EFEMP1: variants seen among roughly 807,000 people sequenced by gnomAD.
EFEMP1 encodes the protein EGF-like fibulin extracellular matrix protein 1, also known as EGF-containing fibulin-like extracellular matrix protein 1.
In EFEMP1, 18 loss-of-function variants were observed where a neutral mutation model predicts 65.7. The ratio of observed to expected loss-of-function variants is 0.27; its 90% CI spans 0.19 to 0.41. The LOEUF is 0.41. Ranked by LOEUF, EFEMP1 falls within the 10% of genes least tolerant of loss-of-function variation. The pLI is 1.00. For synonymous variants in EFEMP1, 237 were observed against 219.7 expected (o/e 1.08, Z -0.70); for missense variants, 469 against 624.8 (o/e 0.75, Z 2.66).
At chr2:55,878,262 C>T (rs1290422291) in intron 6 of EFEMP1, among the ~76,000 whole-genome samples, 1 of 152,186 alleles carries the variant, frequency 6.6e-6, no homozygotes, top group Non-Finnish European at 1.5e-5. Context: ...CTGTGCTCAA[C>T]TGGTGACCTT....
Position 55,867,233 on chromosome 2 carries a change from T to C in EFEMP1, c.1322A>G (p.Gln441Arg), listed in dbSNP as rs1316941214. 5.6e-6 allele frequency: 9 copies of C among 1,613,724 alleles called. No homozygotes were observed. The highest frequency in any genetic ancestry group is 7.6e-6 in the Non-Finnish European group (9 of 1,179,798). ...AAGCATTGCACTTACAGGACTTGTT[T>C]GCTAAAATAAAAGAAAATAGAGAAA... ...GNENGEFYLRQTSPVSAMLVL... is the reference protein window; with the variant it reads ...GNENGEFYLRRTSPVSAMLVL... The change falls in exon 12 of 12, where the codon CAA (glutamine) becomes CGA (arginine). Residue 441 changes from glutamine (Q) to arginine (R), a missense_variant and splice_region_variant. By Grantham distance (43) the Gln-to-Arg change is conservative. Coordinates refer to ENST00000355426, the MANE Select transcript of EFEMP1 (RefSeq NM_001039348.3). This position sits in a 1 kb window ranked among gnomAD's most constrained non-coding sequence, Gnocchi z 4.3.
chr2:55,905,638 A>G (rs565398689), intron 5 of EFEMP1, among the ~76,000 whole-genome samples: 1 of 152,164 alleles, frequency 6.6e-6, no homozygotes, highest in African/African-American at 2.4e-5. Context: ...TAGTAGAGAC[A>G]GGGTTTCATC....
intron 5 of EFEMP1, among the ~76,000 whole-genome samples, chr2:55,905,900 G>C (rs1670247275): frequency 6.6e-6 from 1 of 152,100 alleles, no homozygotes; most frequent in Non-Finnish European, 1.5e-5. Flanking sequence ...TGATAGGTTG[G>C]TTTACTGGAA....
In EFEMP1 at chr2:55,870,592, C is replaced by G; in HGVS notation, c.1320+128G>C. The G allele has an allele frequency of 8.8e-7, 1 of 1,140,204 alleles. No homozygotes were observed. The highest frequency in any genetic ancestry group is 1.3e-6 in the Non-Finnish European group (1 of 773,228). 70.6% of individuals were successfully genotyped at this position (1,140,204 alleles called of 1,614,324 possible). ...GTAGCTGGAAGGCCTTACACAATGCCTACACATAAGACACTTTAAATGTTT... is the reference window on the plus strand; with the variant it reads ...GTAGCTGGAAGGCCTTACACAATGCGTACACATAAGACACTTTAAATGTTT... On this transcript the variant is annotated intron_variant, in intron 11 of 11. Coordinates refer to ENST00000355426, the MANE Select transcript of EFEMP1 (RefSeq NM_001039348.3). The surrounding 1 kb of genome is among the most constrained non-coding windows in gnomAD (Gnocchi z 5.8).
At chr2:55,892,793 T>A (rs188976750) in intron 5 of EFEMP1, among the ~76,000 whole-genome samples, 4 of 152,220 alleles carry the variant, frequency 2.6e-5, no homozygotes, top group Admixed American at 6.5e-5. Flanking sequence ...GATGCCAAAC[T>A]AAGTCAATCT....
At chr2:55,889,156 C>A (rs1669541875) in intron 5 of EFEMP1, among the ~76,000 whole-genome samples, 1 of 152,226 alleles carries the variant, frequency 6.6e-6, no homozygotes, top group Non-Finnish European at 1.5e-5. Context: ...TCAGGCAAAT[C>A]ATCACTTGAG....
intron 3 of EFEMP1, among the ~76,000 whole-genome samples, chr2:55,918,861 AC>A (rs1401236884): frequency 1.3e-5 from 2 of 152,262 alleles, no homozygotes; most frequent in East Asian, 3.9e-4. Flanking sequence ...ACCTTCTGAA[AC>A]CAGGCAGTTT....
At chr2:55,881,514 C>T (rs1466257753) in intron 6 of EFEMP1, 98 bp downstream of exon 6, 5 of 1,516,146 alleles carry the variant, frequency 3.3e-6, no homozygotes, top group Admixed American at 1.7e-5. Flanking sequence ...TTGGCTACCA[C>T]TCTCCAAAGA....
At chr2:55,905,529 C>T (rs1670225709) in intron 5 of EFEMP1, among the ~76,000 whole-genome samples, 1 of 152,102 alleles carries the variant, frequency 6.6e-6, no homozygotes. Flanking sequence ...CTCACTGCAA[C>T]CTCCACCTCC....
chr2:55,922,644 G>C lies in EFEMP1; in HGVS notation c.-7-197C>G, dbSNP rs1430313987. On this transcript the variant is annotated intron_variant, in intron 2 of 11. Coordinates refer to ENST00000355426, the MANE Select transcript of EFEMP1 (RefSeq NM_001039348.3). The surrounding 1 kb of genome is among the most constrained non-coding windows in gnomAD (Gnocchi z 5.5). ...AGCCAACGAACGAGGCAGCAAAGAC[G>C]TAAAAACTGCTGTAGAATTGCATTT... 7 of 592,748 alleles carry C rather than the reference G, an allele frequency of 1.2e-5. 1 individual carries two copies. The highest frequency in any genetic ancestry group is 1.5e-5 in the Non-Finnish European group (5 of 336,822). 36.7% of individuals were successfully genotyped at this position (592,748 alleles called of 1,614,324 possible).
In EFEMP1 at chr2:55,871,216, G is replaced by T. The variant is rs1668796382; in HGVS notation, c.1001-93C>A. 1 of 1,564,888 alleles carries T rather than the reference G, an allele frequency of 6.4e-7. No homozygotes were observed. The highest frequency in any genetic ancestry group is 1.1e-5 in the South Asian group (1 of 89,446). The stretch of plus-strand genomic sequence containing the variant: ...CTGGCAGATTCTGTTTGCAAGGAAG[G>T]AGGTGTGAGAGCATCTGGACTGTGT... On this transcript the variant is annotated intron_variant, in intron 9 of 11. Transcript: ENST00000355426. This position sits in a 1 kb window ranked among gnomAD's most constrained non-coding sequence, Gnocchi z 4.2.
Position 55,917,901 on chromosome 2 carries a change from G to T in EFEMP1, c.281C>A (p.Thr94Asn), listed in dbSNP as rs777942411. The stretch of plus-strand genomic sequence containing the variant: ...TACAACCCCGGTGGTTGCCCCTGAG[G>T]TTCCTTCTGCTGGTTGTGTTTCCTG... The part of the protein sequence containing the change: ...PQQETQPAEG[T>N]SGATTGVVAA... The change falls in exon 5 of 12, where the codon ACC (threonine) becomes AAC (asparagine). Residue 94 changes from threonine to asparagine, a missense_variant. Coordinates refer to ENST00000355426, the MANE Select transcript of EFEMP1 (RefSeq NM_001039348.3). This position sits in a 1 kb window ranked among gnomAD's most constrained non-coding sequence, Gnocchi z 6.3. The T allele has an allele frequency of 5.0e-6, 8 of 1,614,026 alleles. No homozygotes were observed. The highest frequency in any genetic ancestry group is 6.8e-6 in the Non-Finnish European group (8 of 1,180,036).
intron 9 of EFEMP1, 29 bp downstream of exon 9, chr2:55,874,917 C>G: frequency 6.3e-7 from 1 of 1,579,108 alleles, no homozygotes; most frequent in Non-Finnish European, 8.6e-7. Flanking sequence ...AACTAAATAC[C>G]TAACATATGA....
At chr2:55,908,457 G>A (rs1373072873) in intron 5 of EFEMP1, among the ~76,000 whole-genome samples, 1 of 152,104 alleles carries the variant, frequency 6.6e-6, no homozygotes, top group African/African-American at 2.4e-5. Context: ...GGGAGATGGG[G>A]AGACGTTAAT....
chr2:55,882,535 A>T (rs567514944), intron 5 of EFEMP1, among the ~76,000 whole-genome samples: 2 of 152,080 alleles, frequency 1.3e-5, no homozygotes. Flanking sequence ...TTTCTTTCAG[A>T]TCAAAAGGTG....
intron 9 of EFEMP1, among the ~76,000 whole-genome samples, chr2:55,872,225 T>A (rs1668837791): frequency 6.6e-6 from 1 of 152,190 alleles, no homozygotes; most frequent in African/African-American, 2.4e-5. Flanking sequence ...ATGAATTTAC[T>A]CATTCCATAA....
Position 55,885,774 on chromosome 2 carries a change from A to G in EFEMP1, c.518-4040T>C, listed in dbSNP as rs1232827630. Among the ~76,000 whole-genome samples the G allele has an allele frequency of 6.6e-6, 1 of 151,994 alleles. No individual in the cohort carries two copies. Among genetic ancestry groups the G allele is most frequent in the Non-Finnish European group, 1.5e-5 (1 of 67,994 alleles). ...GAACCGCACATTTGATTTTCTCTCA[A>G]AGTTAATGGAGACAACTTTGTCCAC... On this transcript the variant is annotated intron_variant, in intron 5 of 11. Transcript: ENST00000355426. This position sits in a 1 kb window ranked among gnomAD's most constrained non-coding sequence, Gnocchi z 4.3.
chr2:55,882,990 C>T (rs1669301499), intron 5 of EFEMP1, among the ~76,000 whole-genome samples: 1 of 152,076 alleles, frequency 6.6e-6, no homozygotes, highest in Non-Finnish European at 1.5e-5. Flanking sequence ...TCTGTATTTT[C>T]AAGGAGGACT....
At chr2:55,893,915 C>G (rs1357334944) in intron 5 of EFEMP1, among the ~76,000 whole-genome samples, 1 of 152,140 alleles carries the variant, frequency 6.6e-6, no homozygotes, top group Non-Finnish European at 1.5e-5. Flanking sequence ...TTGGCATATT[C>G]CAGATGAATG....
Sources: allele counts gnomAD v4.1 joint callset (sites outside exome capture counted in the v4.1 genomes callset), GRCh38; gene constraint gnomAD v4.1.1; non-coding constraint Gnocchi (gnomAD v3.1); transcripts MANE v1.5; gene names NCBI Gene and HGNC (gene_info 2026-07-23, HGNC 2026-07-21).